Variants in FBF1 observed in about 807,000 individuals in gnomAD.
The protein encoded by FBF1 is fas-binding factor 1.
In FBF1, 119 loss-of-function variants were observed where a neutral mutation model predicts 147.2. The ratio of observed to expected loss-of-function variants is 0.81; its 90% CI spans 0.70 to 0.94. The LOEUF is 0.94. FBF1 is among the 40% of genes least tolerant of loss of function. The probability of loss-of-function intolerance (pLI) is 0.00; values close to 1 mark genes in which losing one functional copy is unlikely to be tolerated. For missense variants in FBF1, 1,449 were observed against 1,500.8 expected, an observed-to-expected ratio of 0.97 and a Z score of 0.57; for synonymous variants, 601 against 609.0, an observed-to-expected ratio of 0.99 and a Z score of 0.19.
intron 7 of FBF1, among the ~76,000 whole-genome samples, chr17:75,929,601 A>G (rs995500300): frequency 6.6e-6 from 1 of 152,190 alleles, no homozygotes; most frequent in Middle Eastern, 3.2e-3. Context: ...GCTTGATCTG[A>G]TGAGAAGACA....
In FBF1 at chr17:75,919,251, C is replaced by T. The variant is rs190051512; in HGVS notation, c.2138+417G>A. On this transcript the variant is annotated intron_variant, in intron 20 of 29. Coordinates refer to ENST00000636174, the MANE Select transcript of FBF1 (RefSeq NM_001319193.2). This position sits in a 1 kb window ranked among gnomAD's most constrained non-coding sequence, Gnocchi z 5.0. Reference sequence around the variant, plus strand: ...TGCCTCTGCCTTCATCGACCTCTGACTCCCTTAGGTAACTTTTCTTAGTTT... The same window carrying T: ...TGCCTCTGCCTTCATCGACCTCTGATTCCCTTAGGTAACTTTTCTTAGTTT... Among the ~76,000 whole-genome samples the T allele has an allele frequency of 7.6e-4, 116 of 152,348 alleles. No homozygotes were observed. The highest frequency in any genetic ancestry group is 3.4e-3 in the Middle Eastern group (1 of 294).
intron 7 of FBF1, 33 bp downstream of exon 7, chr17:75,929,964 C>CCCCTTTCAAAA: frequency 1.4e-6 from 2 of 1,402,202 alleles, no homozygotes; most frequent in Non-Finnish European, 2.0e-6. Flanking sequence ...CACCCACCCC[C>CCCCTTTCAAAA]AGTTCTAAGA....
Position 75,919,325 on chromosome 17 carries a change from G to T in FBF1, c.2138+343C>A, listed in dbSNP as rs143000838. 6.6e-6 allele frequency among the ~76,000 whole-genome samples: 1 copy of T among 152,206 alleles called. No individual in the cohort carries two copies. Among genetic ancestry groups the T allele is most frequent in the Non-Finnish European group, 1.5e-5 (1 of 68,046 alleles). The stretch of plus-strand genomic sequence containing the variant: ...CTATAAACATGGCAGGCACAACAGC[G>T]CAAGCCTTTCCCAGGTGGATCTTGT... On this transcript the variant is annotated intron_variant, in intron 20 of 29. Transcript: ENST00000636174. This position sits in a 1 kb window ranked among gnomAD's most constrained non-coding sequence, Gnocchi z 5.0.
Position 75,910,209 on chromosome 17 carries a change from G to A in FBF1, c.*514C>T, listed in dbSNP as rs1016880271. 1.1e-5 allele frequency: 4 copies of A among 375,818 alleles called. No homozygotes were observed. The highest frequency in any genetic ancestry group is 2.1e-5 in the Non-Finnish European group (4 of 193,216). The allele number at this position is 375,818 out of a possible 1,614,324, so 23.3% of individuals were successfully genotyped here. A position where few individuals can be genotyped will look rare whatever the true frequency, so the allele number is the denominator to read the frequency against. On this transcript the variant is annotated 3_prime_UTR_variant, in exon 30 of 30. Coordinates refer to ENST00000636174, the MANE Select transcript of FBF1 (RefSeq NM_001319193.2). This position sits in a 1 kb window ranked among gnomAD's most constrained non-coding sequence, Gnocchi z 4.1. ...AGGAACATCTCACACCACAAGGGAG[G>A]ATCTAGCTGGTGCCCTCCCTGTACT...
At chr17:75,920,791 G>A (rs925377659) in intron 17 of FBF1, among the ~76,000 whole-genome samples, 2 of 151,070 alleles carry the variant, frequency 1.3e-5, no homozygotes, top group African/African-American at 2.4e-5. Context: ...TGGTTCCCAC[G>A]AGCTGTCCCC....
rs781482295 is a variant in FBF1 at position 75,926,483 on chromosome 17, C to G, written c.596-57G>C. On this transcript the variant is annotated intron_variant, in intron 10 of 29. Coordinates refer to ENST00000636174, the MANE Select transcript of FBF1 (RefSeq NM_001319193.2). ...GCCTTCTTGCCCTCAACTGTGATATCTGAATGGGGTTGGGGGTGGTTTCTC... is the reference window on the plus strand; with the variant it reads ...GCCTTCTTGCCCTCAACTGTGATATGTGAATGGGGTTGGGGGTGGTTTCTC... 2.0e-6 allele frequency: 3 copies of G among 1,490,374 alleles called. No homozygotes were observed. The African/African-American group carries it at 4.2e-5, about 21-fold the overall frequency. 92.3% of individuals were successfully genotyped at this position (1,490,374 alleles called of 1,614,324 possible). A position where few individuals can be genotyped will look rare whatever the true frequency, so the allele number is the denominator to read the frequency against.
chr17:75,939,459 A>G (rs2065646696), intron 1 of FBF1, among the ~76,000 whole-genome samples: 1 of 152,192 alleles, frequency 6.6e-6, no homozygotes, highest in Non-Finnish European at 1.5e-5. Flanking sequence ...CCTGGCACCA[A>G]GGCTGAAACC....
intron 25 of FBF1, 144 bp from the exon 26 acceptor site, chr17:75,914,442 G>A: frequency 7.7e-7 from 1 of 1,304,464 alleles, no homozygotes; most frequent in Non-Finnish European, 1.0e-6. Context: ...AGAGAAGCCT[G>A]GGGCCAAGCC....
At chr17:75,927,333 G>A (rs113812880) in intron 9 of FBF1, 122 bp downstream of exon 9, 24 of 758,094 alleles carry the variant, frequency 3.2e-5, no homozygotes, top group African/African-American at 3.0e-4. Flanking sequence ...AATTCACGAG[G>A]AAGTAAACCA....
rs1007009113 is a variant in FBF1 at position 75,919,689 on chromosome 17, T to A, written c.2117A>T (p.Glu706Val). The change falls in exon 20 of 30, where the codon GAG becomes GTG. Residue 706 changes from glutamate (E) to valine (V), a missense_variant. Physicochemically the swap from Glu to Val is moderately radical, Grantham distance 121. Transcript: ENST00000636174. This position sits in a 1 kb window ranked among gnomAD's most constrained non-coding sequence, Gnocchi z 5.0. The stretch of plus-strand genomic sequence containing the variant: ...TCACCGCTGCAGCTCCCGGAGCCGC[T>A]CCATTTCCTGGTCCTTCTCCTGCGC... ...AIAQEKDQEM[E>V]RLRELQRASI... The A allele has an allele frequency of 9.9e-6, 16 of 1,609,650 alleles. No individual in the cohort carries two copies. Among genetic ancestry groups the A allele is most frequent in the Non-Finnish European group, 1.4e-5 (16 of 1,178,784 alleles).
chr17:75,917,067 G>A (rs1376844601), intron 23 of FBF1, among the ~76,000 whole-genome samples: 4 of 152,192 alleles, frequency 2.6e-5, no homozygotes, highest in East Asian at 1.9e-4. Context: ...GGCTGGTCTC[G>A]AACTCCTGAC....
intron 6 of FBF1, among the ~76,000 whole-genome samples, chr17:75,930,956 A>C (rs964928729): frequency 6.6e-6 from 1 of 151,972 alleles, no homozygotes; most frequent in African/African-American, 2.4e-5. Context: ...TTAGCCAGTC[A>C]TGGTGGCAGG....
chr17:75,937,703 A>G, intron 2 of FBF1, 110 bp from the exon 3 acceptor site: 1 of 1,084,208 alleles, frequency 9.2e-7, no homozygotes, highest in Non-Finnish European at 1.4e-6. Flanking sequence ...CAGAGGCAAG[A>G]GCACCAATGG....
chr17:75,918,280 G>T lies in FBF1; in HGVS notation c.2139-11C>A. On this transcript the variant is annotated splice_polypyrimidine_tract_variant and intron_variant, in intron 20 of 29. Coordinates refer to ENST00000636174, the MANE Select transcript of FBF1 (RefSeq NM_001319193.2). The surrounding 1 kb of genome is among the most constrained non-coding windows in gnomAD (Gnocchi z 5.8). ...TCTAGGATGGACGCCCTGAGGGGAG[G>T]CGGGAGGGGAAGGCGGTCACTCTGA... 6.2e-7 allele frequency: 1 copy of T among 1,609,576 alleles called. No individual in the cohort carries two copies. The highest frequency in any genetic ancestry group is 8.5e-7 in the Non-Finnish European group (1 of 1,177,406).
rs771900568 is a variant in FBF1 at position 75,928,182 on chromosome 17, G to A, written c.291C>T (p.Gly97=). 383 of 1,613,702 alleles carry A rather than the reference G, an allele frequency of 2.4e-4. 4 individuals are homozygous for A. The highest frequency in any genetic ancestry group is 6.7e-4 in the South Asian group (61 of 91,078). Reference sequence around the variant, plus strand: ...TCAGACCTAAGATATCAGCATCCATGCCGTCCAGGTCCTAGAAAACCAGGG... The same window carrying A: ...TCAGACCTAAGATATCAGCATCCATACCGTCCAGGTCCTAGAAAACCAGGG... The part of the protein sequence containing the change: ...ALLQAMKDLD[G]MDADILGLKK... The change falls in exon 8 of 30, where the codon GGC becomes GGT. Residue 97 remains glycine (G), a synonymous_variant. Transcript: ENST00000636174. The surrounding 1 kb of genome is among the most constrained non-coding windows in gnomAD (Gnocchi z 4.2).
chr17:75,925,766 A>G lies in FBF1; in HGVS notation c.868+264T>C, dbSNP rs1007435534. ...GCTTTTCAAATGCGAGCTGCTACCC[A>G]TGAGAGGGCTGAGAAACCAGCTTAA... On this transcript the variant is annotated intron_variant, in intron 12 of 29. Coordinates refer to ENST00000636174, the MANE Select transcript of FBF1 (RefSeq NM_001319193.2). The surrounding 1 kb of genome is among the most constrained non-coding windows in gnomAD (Gnocchi z 5.0). 1.3e-5 allele frequency among the ~76,000 whole-genome samples: 2 copies of G among 152,248 alleles called. No homozygotes were observed. Among genetic ancestry groups the G allele is most frequent in the Non-Finnish European group, 2.9e-5 (2 of 68,040 alleles).
At chr17:75,939,579 C>T (rs970763828) in intron 1 of FBF1, among the ~76,000 whole-genome samples, 24 of 151,214 alleles carry the variant, frequency 1.6e-4, no homozygotes, top group African/African-American at 4.9e-4. Flanking sequence ...TTTTTTTTTT[C>T]GAGACGGGGT....
rs1205594351 is a variant in FBF1 at position 75,914,635 on chromosome 17, C to CT, written c.2814+111dup. 4 of 1,153,968 alleles carry CT rather than the reference C, an allele frequency of 3.5e-6. No homozygotes were observed. In the African/African-American group the frequency reaches 6.2e-5, roughly 18 times the overall value. The allele number at this position is 1,153,968 out of a possible 1,614,324, so 71.5% of individuals were successfully genotyped here. On this transcript the variant is annotated intron_variant, in intron 25 of 29. Transcript: ENST00000636174. The stretch of plus-strand genomic sequence containing the variant: ...CGATTACTGTTTTAATCCCTATGCT[C>CT]TTGTGACATTAGTGCTACACTCTCC...
At position 75,925,312 on chromosome 17, in the gene FBF1, CTCAAG is replaced by C. The variant is rs2065553285; in HGVS notation, c.968+30_968+34del. ...CCTGTCTTCCCAGTGGCCGACCTGT[CTCAAG>C]AGGCCAAGCCTCCTGCAGGCCCCAC... On this transcript the variant is annotated intron_variant, in intron 13 of 29. Transcript: ENST00000636174. This position sits in a 1 kb window ranked among gnomAD's most constrained non-coding sequence, Gnocchi z 5.0. 6.4e-7 allele frequency: 1 copy of C among 1,574,370 alleles called. No individual in the cohort carries two copies. Among genetic ancestry groups the C allele is most frequent in the African/African-American group, 1.4e-5 (1 of 73,792 alleles).
Sources: gnomAD v4.1 joint callset for allele counts (sites outside exome capture counted in the v4.1 genomes callset) on GRCh38, gnomAD v4.1.1 for gene constraint, Gnocchi (gnomAD v3.1) non-coding constraint, MANE v1.5 for transcripts, NCBI Gene and HGNC (gene_info 2026-07-23, HGNC 2026-07-21) for gene names.